The following LTA variants were observed in gnomAD, a reference collection of about 807,000 sequenced individuals.
LTA encodes the protein lymphotoxin-alpha.
In LTA, 6 loss-of-function variants were observed where a neutral mutation model predicts 15.1. That is an observed-to-expected ratio of 0.40 (90% CI 0.22 to 0.78). The LOEUF (loss-of-function observed/expected upper bound fraction) is 0.78, where lower values mean the gene tolerates loss of function less well. Ranked by LOEUF, LTA falls within the 30% of genes least tolerant of loss-of-function variation. LTA has a pLI of 0.38. For synonymous variants in LTA, 87 were observed against 107.3 expected (o/e 0.81, Z 1.17); for missense variants, 173 against 249.5 (o/e 0.69, Z 2.06).
intron 3 of LTA, 22 bp downstream of exon 3, chr6:31,573,055 C>T (rs886570600): frequency 6.3e-7 from 1 of 1,583,154 alleles, no homozygotes. Flanking sequence ...CCTGACCTCC[C>T]AGACATGTCC....
At position 31,573,433 on chromosome 6, in the gene LTA, T is replaced by C. The variant is rs1321207859; in HGVS notation, c.358T>C (p.Tyr120His). The C allele has an allele frequency of 1.2e-6, 2 of 1,614,094 alleles. No homozygotes were observed. Among genetic ancestry groups the C allele is most frequent in the South Asian group, 1.1e-5 (1 of 91,086 alleles). Residue 120 changes from tyrosine to histidine, a missense_variant, in exon 4 of 4, where the codon TAC (tyrosine) becomes CAC (histidine). Coordinates refer to ENST00000418386, the MANE Select transcript of LTA (RefSeq NM_000595.4). ...YSQVVFSGKA[Y>H]SPKATSSPLY... ...CCAGGTGGTCTTCTCTGGGAAAGCCTACTCTCCCAAGGCCACCTCCTCCCC... is the reference window on the plus strand; with the variant it reads ...CCAGGTGGTCTTCTCTGGGAAAGCCCACTCTCCCAAGGCCACCTCCTCCCC...
intron 1 of LTA, 139 bp from the exon 2 acceptor site, chr6:31,572,595 C>T: frequency 1.6e-6 from 1 of 623,968 alleles, no homozygotes; most frequent in African/African-American, 1.8e-5. Flanking sequence ...TGGGGTTTCT[C>T]TGACTGCATC....
chr6:31,571,669 A>G (rs910733798), upstream of LTA, among the ~76,000 whole-genome samples: 32 of 150,826 alleles, frequency 2.1e-4, no homozygotes, highest in African/African-American at 7.7e-4. Context: ...AGGGGACCAA[A>G]AAATTTATCT....
upstream of LTA, among the ~76,000 whole-genome samples, chr6:31,569,816 G>T (rs906437422): frequency 1.3e-5 from 2 of 150,056 alleles, no homozygotes; most frequent in African/African-American, 4.9e-5. Context: ...AAAAGGAAAA[G>T]AAATTTTCTG....
At chr6:31,566,962 T>A in the LTA span, among the ~76,000 whole-genome samples, 1 of 148,520 alleles carries the variant, frequency 6.7e-6, no homozygotes. Context: ...AGAAAAAAAA[T>A]CCAGGGCCAG....
the LTA span, among the ~76,000 whole-genome samples, chr6:31,560,847 A>T: frequency 2.0e-5 from 3 of 152,146 alleles, no homozygotes; most frequent in African/African-American, 7.2e-5. Context: ...AGCATTATGT[A>T]GCCCAAAGAT....
upstream of LTA, among the ~76,000 whole-genome samples, chr6:31,570,975 T>A (rs1303841827): frequency 2.0e-5 from 3 of 151,744 alleles, no homozygotes; most frequent in East Asian, 5.8e-4. Context: ...TACATACAGA[T>A]GGAAAAATTC....
chr6:31,571,099 C>A (rs1245063036), upstream of LTA, among the ~76,000 whole-genome samples: 1 of 149,778 alleles, frequency 6.7e-6, no homozygotes, highest in Non-Finnish European at 1.5e-5. Context: ...CTTGCTCTGT[C>A]CCCCAGGCTG....
intron 1 of LTA, 71 bp from the exon 2 acceptor site, chr6:31,572,663 C>A: frequency 1.8e-6 from 2 of 1,088,856 alleles, no homozygotes; most frequent in Non-Finnish European, 2.8e-6. Context: ...TCTCCCAGGG[C>A]GGGAGGTCTG....
Position 31,573,583 on chromosome 6 carries a change from G to A in LTA, c.508G>A (p.Gly170Arg), listed in dbSNP as rs769344065. Residue 170 changes from glycine (G) to arginine (R), a missense_variant, in exon 4 of 4, where the codon GGG (glycine) becomes AGG (arginine). By Grantham distance (125) the Gly-to-Arg change is moderately radical. Transcript: ENST00000418386. ...QEPWLHSMYH[G>R]AAFQLTQGDQ... ...ACCCTGGCTGCACTCGATGTACCAC[G>A]GGGCTGCGTTCCAGCTCACCCAGGG... The A allele has an allele frequency of 2.5e-6, 4 of 1,613,988 alleles. No individual in the cohort carries two copies. Among genetic ancestry groups the A allele is most frequent in the African/African-American group, 1.3e-5 (1 of 74,896 alleles).
At chr6:31,563,904 G>A in the LTA span, among the ~76,000 whole-genome samples, 11 of 152,112 alleles carry the variant, frequency 7.2e-5, no homozygotes, top group Admixed American at 1.3e-4. Context: ...TACGGTGCCC[G>A]GCGGTAAGAG....
chr6:31,573,445 G>A lies in LTA; in HGVS notation c.370G>A (p.Ala124Thr), dbSNP rs1770973395. Residue 124 changes from alanine (A) to threonine (T), a missense_variant, in exon 4 of 4, where the codon GCC (alanine) becomes ACC (threonine). Coordinates refer to ENST00000418386, the MANE Select transcript of LTA (RefSeq NM_000595.4). ...VFSGKAYSPK[A>T]TSSPLYLAHE... is the part of the protein sequence containing the mutation. Reference sequence around the variant, plus strand: ...CTCTGGGAAAGCCTACTCTCCCAAGGCCACCTCCTCCCCACTCTACCTGGC... The same window carrying A: ...CTCTGGGAAAGCCTACTCTCCCAAGACCACCTCCTCCCCACTCTACCTGGC... The A allele has an allele frequency of 2.5e-6, 4 of 1,613,856 alleles. No homozygotes were observed. The highest frequency in any genetic ancestry group is 1.7e-5 in the Admixed American group (1 of 59,984).
the LTA span, among the ~76,000 whole-genome samples, chr6:31,564,582 C>T: frequency 6.6e-6 from 1 of 151,678 alleles, no homozygotes; most frequent in Non-Finnish European, 1.5e-5. Flanking sequence ...TGCGCCCAGC[C>T]GATCTTTGTG....
At chr6:31,573,192 T>C (rs1770956403) in intron 3 of LTA, 89 bp from the exon 4 acceptor site, 1 of 1,298,974 alleles carries the variant, frequency 7.7e-7, no homozygotes, top group South Asian at 1.3e-5. Context: ...CCCCAGGAAC[T>C]CAGTTGTTCA....
chr6:31,567,685 T>C (rs3135048), upstream of LTA, among the ~76,000 whole-genome samples: 1,690 of 23,562 alleles, frequency 0.072, 26 homozygotes, highest in South Asian at 0.24. Context: ...CACGCACGCA[T>C]GCACGCACCA....
chr6:31,564,362 A>G, the LTA span, among the ~76,000 whole-genome samples: 1 of 151,588 alleles, frequency 6.6e-6, no homozygotes, highest in East Asian at 1.9e-4. Flanking sequence ...TCACTGCAAG[A>G]TCCGCCTCCC....
chr6:31,564,123 C>A, the LTA span, among the ~76,000 whole-genome samples: 5 of 152,264 alleles, frequency 3.3e-5, no homozygotes, highest in African/African-American at 4.8e-5. Flanking sequence ...AGGCATAATT[C>A]TTCCAAGTGA....
upstream of LTA, chr6:31,572,211 A>G (rs1203410758): frequency 6.9e-5 from 12 of 172,952 alleles, no homozygotes; most frequent in Non-Finnish European, 1.2e-4. Flanking sequence ...CCCAGCCCCG[A>G]CCTAGAACCC....
upstream of LTA, among the ~76,000 whole-genome samples, chr6:31,569,576 T>TG (rs1194999924): frequency 6.6e-6 from 1 of 152,102 alleles, no homozygotes; most frequent in Non-Finnish European, 1.5e-5. Flanking sequence ...GTGGGTCACC[T>TG]GTGGTCAGGA....
Sources: allele counts gnomAD v4.1 joint callset (sites outside exome capture counted in the v4.1 genomes callset), GRCh38; gene constraint gnomAD v4.1.1; transcripts MANE v1.5; gene names NCBI Gene and HGNC (gene_info 2026-07-23, HGNC 2026-07-21).